The following CELF2 variants were observed in gnomAD, a reference collection of about 807,000 sequenced individuals.
CELF2 encodes CUGBP Elav-like family member 2.
Under a neutral mutation model 62.6 loss-of-function variants are expected in CELF2, and 8 were observed. The observed-to-expected ratio is 0.13, with a 90% CI of 0.07 to 0.23. The LOEUF (loss-of-function observed/expected upper bound fraction) is 0.23. CELF2 is among the 10% of genes least tolerant of loss of function. The probability of loss-of-function intolerance (pLI) is 1.00; values close to 1 mark genes in which losing one functional copy is unlikely to be tolerated. For missense variants in CELF2, 333 were observed against 671.0 expected, an observed-to-expected ratio of 0.50 and a Z score of 5.56; for synonymous variants, 258 against 250.0, an observed-to-expected ratio of 1.03 and a Z score of -0.30.
intron 8 of CELF2, among the ~76,000 whole-genome samples, chr10:11,281,752 T>C (rs2088883516): frequency 6.6e-6 from 1 of 152,168 alleles, no homozygotes; most frequent in Non-Finnish European, 1.5e-5. Flanking sequence ...TCAAAAAATA[T>C]ATATGTATGT....
chr10:10,691,280 G>C, the CELF2 span, among the ~76,000 whole-genome samples: 36 of 151,224 alleles, frequency 2.4e-4, no homozygotes, highest in East Asian at 6.9e-3. Flanking sequence ...TCTTGCGATA[G>C]TTTACTGAGA....
the CELF2 span, among the ~76,000 whole-genome samples, chr10:10,491,031 C>T: frequency 6.6e-6 from 1 of 152,252 alleles, no homozygotes; most frequent in East Asian, 1.9e-4. Context: ...AAAACCACTA[C>T]TATATAAATG....
At chr10:10,689,182 G>A in the CELF2 span, among the ~76,000 whole-genome samples, 1 of 152,270 alleles carries the variant, frequency 6.6e-6, no homozygotes, top group African/African-American at 2.4e-5. Flanking sequence ...CAGCTGCACA[G>A]ATTTAACAGG....
intron 1 of CELF2, among the ~76,000 whole-genome samples, chr10:10,799,372 T>C (rs2054414498): frequency 6.6e-6 from 1 of 151,996 alleles, no homozygotes; most frequent in African/African-American, 2.4e-5. Context: ...TAGTCCCTGC[T>C]ACTTGGGAGG....
chr10:11,264,324 CTG>C, intron 5 of CELF2, among the ~76,000 whole-genome samples: 1 of 152,368 alleles, frequency 6.6e-6, no homozygotes, highest in South Asian at 2.1e-4. Flanking sequence ...AATGCATAAA[CTG>C]TGCCTTATTG....
At chr10:11,060,876 G>T (rs1448263263) in intron 1 of CELF2, among the ~76,000 whole-genome samples, 1 of 152,178 alleles carries the variant, frequency 6.6e-6, no homozygotes, top group Non-Finnish European at 1.5e-5. Context: ...TCCCATAGAA[G>T]ACAGTGAGCT....
chr10:10,788,581 C>T, the CELF2 span, among the ~76,000 whole-genome samples: 1 of 150,442 alleles, frequency 6.6e-6, no homozygotes, highest in Non-Finnish European at 1.5e-5. Context: ...TCCTGCCTCT[C>T]CCTCCCAAGT....
chr10:10,839,784 C>T (rs534979373), intron 1 of CELF2, among the ~76,000 whole-genome samples: 7 of 152,122 alleles, frequency 4.6e-5, no homozygotes, highest in South Asian at 2.1e-4. Flanking sequence ...AGGGTTTGAA[C>T]GACGAATGCA....
intron 1 of CELF2, among the ~76,000 whole-genome samples, chr10:10,802,078 A>C (rs2054721285): frequency 6.6e-6 from 1 of 152,238 alleles, no homozygotes; most frequent in Non-Finnish European, 1.5e-5. Flanking sequence ...CGGAAAGTAC[A>C]AACACTCCAG....
At chr10:10,620,465 A>G in the CELF2 span, among the ~76,000 whole-genome samples, 19 of 151,772 alleles carry the variant, frequency 1.3e-4, no homozygotes, top group South Asian at 4.0e-3. Flanking sequence ...AAAAAAAAAA[A>G]AAAAAGCAGA....
chr10:10,594,113 G>A, the CELF2 span, among the ~76,000 whole-genome samples: 1 of 152,166 alleles, frequency 6.6e-6, no homozygotes, highest in Non-Finnish European at 1.5e-5. Flanking sequence ...GGCAATAACC[G>A]TGGAGGCGGA....
intron 2 of CELF2, chr10:10,960,012 C>T (rs1184500929): frequency 6.6e-6 from 1 of 152,362 alleles, no homozygotes; most frequent in South Asian, 2.1e-4. Flanking sequence ...TTCAGGGTTC[C>T]TGCTACAGAC....
In CELF2 at chr10:11,262,940, C is replaced by CTTTTTTT; in HGVS notation, c.539-3637_539-3631dup. On this transcript the variant is annotated intron_variant, in intron 5 of 12. Coordinates refer to ENST00000633077, the MANE Select transcript of CELF2 (RefSeq NM_001326342.2). ...GTTCATGCTTTTAAAAGTGGCTTTA[C>CTTTTTTT]TTTTTTTTTTTTTTTTTTTTTTTTT... 4.4e-3 allele frequency among the ~76,000 whole-genome samples: 230 copies of CTTTTTTT among 52,762 alleles called. 85 individuals carry two copies. The highest frequency in any genetic ancestry group is 6.1e-3 in the Non-Finnish European group (186 of 30,344). 34.6% of individuals were successfully genotyped at this position (52,762 alleles called of 152,430 possible).
the CELF2 span, among the ~76,000 whole-genome samples, chr10:10,589,715 ACT>A: frequency 6.6e-6 from 1 of 152,202 alleles, no homozygotes; most frequent in South Asian, 2.1e-4. Flanking sequence ...GACGTGAGTC[ACT>A]GTCTTCACTG....
chr10:10,611,192 C>G, the CELF2 span, among the ~76,000 whole-genome samples: 1 of 152,074 alleles, frequency 6.6e-6, no homozygotes, highest in Admixed American at 6.5e-5. Flanking sequence ...CAGAACCAAG[C>G]TGGCAACTGA....
At chr10:10,575,328 A>C in the CELF2 span, among the ~76,000 whole-genome samples, 11 of 152,322 alleles carry the variant, frequency 7.2e-5, no homozygotes, top group African/African-American at 2.2e-4. Flanking sequence ...CTTTGCATTT[A>C]GGTTATACCT....
chr10:10,475,884 C>T, the CELF2 span, among the ~76,000 whole-genome samples: 2 of 151,990 alleles, frequency 1.3e-5, no homozygotes, highest in Non-Finnish European at 2.9e-5. Flanking sequence ...TTCTGTACTC[C>T]ACTTTTAAGC....
intron 1 of CELF2, among the ~76,000 whole-genome samples, chr10:10,857,649 G>GTGTATATATATATATATA (rs1554855649): frequency 1.1e-5 from 1 of 94,258 alleles, no homozygotes; most frequent in Non-Finnish European, 1.9e-5. Context: ...CATATATATA[G>GTGTATATATATATATATA]TATATATATA....
chr10:11,028,236 G>A (rs1485812959), intron 1 of CELF2, among the ~76,000 whole-genome samples: 4 of 152,048 alleles, frequency 2.6e-5, no homozygotes, highest in Admixed American at 6.5e-5. Flanking sequence ...TCTGGGATGG[G>A]GGGGAAGCAA....
Sources: allele counts gnomAD v4.1 joint callset (sites outside exome capture counted in the v4.1 genomes callset), GRCh38; gene constraint gnomAD v4.1.1; transcripts MANE v1.5; gene names NCBI Gene and HGNC (gene_info 2026-07-23, HGNC 2026-07-21).